The following KIF6 variants were observed in gnomAD, a reference collection of about 807,000 sequenced individuals.
KIF6 encodes kinesin family member 6.
A neutral mutation model predicts 112.7 loss-of-function variants in KIF6; 106 were observed. The ratio of observed to expected loss-of-function variants is 0.94; its 90% CI spans 0.80 to 1.11. The LOEUF is 1.11. Among genes scored for constraint, KIF6 ranks in the 50% least tolerant of loss-of-function variants. KIF6 has a pLI of 0.00. For synonymous variants in KIF6, 339 were observed against 339.9 expected, an observed-to-expected ratio of 1.00 and a Z score of 0.03; for missense variants, 929 against 964.0, an observed-to-expected ratio of 0.96 and a Z score of 0.48.
rs578127161 is a variant in KIF6 at position 39,508,652 on chromosome 6, T to A, written c.1645+31351A>T. Among the ~76,000 whole-genome samples the A allele has an allele frequency of 6.6e-5, 10 of 151,908 alleles. No individual in the cohort carries two copies. In the South Asian group the frequency reaches 1.5e-3, roughly 22 times the overall value. On this transcript the variant is annotated intron_variant, in intron 13 of 22. Transcript: ENST00000287152. ...ATCAACCTGAGACGCTGGAGCTTGG[T>A]GGGGGGAGGGGCTTCCGCCATTGAT...
chr6:39,715,719 T>A (rs1220060437), intron 2 of KIF6, among the ~76,000 whole-genome samples: 2 of 152,110 alleles, frequency 1.3e-5, no homozygotes, highest in African/African-American at 4.8e-5. Flanking sequence ...CTGACCTACC[T>A]CCATTTTAGA....
At chr6:39,524,184 G>A (rs1777574279) in intron 13 of KIF6, among the ~76,000 whole-genome samples, 1 of 152,074 alleles carries the variant, frequency 6.6e-6, no homozygotes, top group Admixed American at 6.6e-5. Flanking sequence ...TAGAAACAGA[G>A]AGAGAGTGAG....
intron 3 of KIF6, among the ~76,000 whole-genome samples, chr6:39,655,271 G>A (rs927846688): frequency 2.0e-5 from 3 of 151,630 alleles, no homozygotes; most frequent in Non-Finnish European, 2.9e-5. Flanking sequence ...TCCTCTTTAG[G>A]GAACTGCCTG....
intron 13 of KIF6, among the ~76,000 whole-genome samples, chr6:39,522,371 C>G (rs1036011574): frequency 6.6e-5 from 10 of 152,166 alleles, no homozygotes; most frequent in Admixed American, 3.3e-4. Context: ...TCCAGTACCC[C>G]CAGCCAACCT....
At position 39,333,218 on chromosome 6, in the gene KIF6, A is replaced by G. The variant is rs1406769167; in HGVS notation, c.*3314T>C. 6.6e-6 allele frequency: 1 copy of G among 152,216 alleles called. No individual in the cohort carries two copies. The highest frequency in any genetic ancestry group is 1.5e-5 in the Non-Finnish European group (1 of 68,042). The allele number at this position is 152,216 out of a possible 1,614,324, so 9.4% of individuals were successfully genotyped here. ...CCACAGGCTGCATGGAGAGACAATG[A>G]ACTCTGCACTGAGAAATCCTAGATC... is the stretch of plus-strand genomic sequence containing the variant. On this transcript the variant is annotated 3_prime_UTR_variant, in exon 23 of 23. Coordinates refer to ENST00000287152, the MANE Select transcript of KIF6 (RefSeq NM_145027.6).
chr6:39,536,432 A>G (rs1408242997), intron 13 of KIF6, among the ~76,000 whole-genome samples: 1 of 148,862 alleles, frequency 6.7e-6, no homozygotes, highest in East Asian at 2.0e-4. Context: ...GAATACTACA[A>G]ACAACTCTAT....
intron 13 of KIF6, among the ~76,000 whole-genome samples, chr6:39,460,292 C>T (rs1333760299): frequency 1.5e-4 from 18 of 117,804 alleles, no homozygotes; most frequent in Non-Finnish European, 2.7e-4. Context: ...CCAAACACCG[C>T]ATATTCTCAC....
intron 3 of KIF6, among the ~76,000 whole-genome samples, chr6:39,654,509 T>C (rs12528530): frequency 0.12 from 18,163 of 152,186 alleles, 1,502 homozygotes; most frequent in Admixed American, 0.24. Context: ...TGCTCCTCCT[T>C]AGAAAATAAA....
rs1491012171 is a variant in KIF6 at position 39,334,797 on chromosome 6, T to TGC, written c.*1733_*1734dup. 6.6e-6 allele frequency: 1 copy of TGC among 152,060 alleles called. No homozygotes were observed. The highest frequency in any genetic ancestry group is 1.5e-5 in the Non-Finnish European group (1 of 68,100). 9.4% of individuals were successfully genotyped at this position (152,060 alleles called of 1,614,324 possible). A position where few individuals can be genotyped will look rare whatever the true frequency, so the allele number is the denominator to read the frequency against. ...GTGTGTGTGTATGTGTGTGTGTGTG[T>TGC]GCAGTTACATGTGTGTTCCATGGAC... On this transcript the variant is annotated 3_prime_UTR_variant, in exon 23 of 23. Transcript: ENST00000287152.
chr6:39,562,365 C>T (rs1780053135), intron 10 of KIF6, among the ~76,000 whole-genome samples: 1 of 152,164 alleles, frequency 6.6e-6, no homozygotes, highest in South Asian at 2.1e-4. Context: ...GACATGAGTC[C>T]TTTTCTTGCC....
chr6:39,550,684 T>C (rs1467373508), intron 10 of KIF6, among the ~76,000 whole-genome samples: 1 of 152,156 alleles, frequency 6.6e-6, no homozygotes, highest in Admixed American at 6.5e-5. Flanking sequence ...GACAGCTCAT[T>C]CCAGAGAGCT....
At chr6:39,435,453 G>A (rs975482627) in intron 13 of KIF6, among the ~76,000 whole-genome samples, 6 of 152,148 alleles carry the variant, frequency 3.9e-5, no homozygotes, top group African/African-American at 1.4e-4. Context: ...CAGCAGTGAA[G>A]TCTAGGATTT....
chr6:39,431,849 G>T (rs1771179075), intron 13 of KIF6, among the ~76,000 whole-genome samples: 1 of 152,112 alleles, frequency 6.6e-6, no homozygotes, highest in Admixed American at 6.5e-5. Context: ...CCAGGACCAG[G>T]CTCTCCTCCT....
At chr6:39,427,959 G>A (rs371907327) in intron 14 of KIF6, among the ~76,000 whole-genome samples, 25 of 152,290 alleles carry the variant, frequency 1.6e-4, no homozygotes, top group African/African-American at 5.8e-4. Flanking sequence ...TAATAAGAAA[G>A]ATGAAGTACT....
At chr6:39,372,688 A>C (rs1342276351) in intron 16 of KIF6, among the ~76,000 whole-genome samples, 1 of 152,182 alleles carries the variant, frequency 6.6e-6, no homozygotes, top group African/African-American at 2.4e-5. Flanking sequence ...TTCATTTTTT[A>C]ATTTTAAATA....
chr6:39,607,699 T>C (rs1782970025), intron 6 of KIF6, among the ~76,000 whole-genome samples: 1 of 152,128 alleles, frequency 6.6e-6, no homozygotes, highest in South Asian at 2.1e-4. Flanking sequence ...CAGCTAGGAT[T>C]AAAGGTGAGA....
chr6:39,718,184 C>G (rs302582), intron 2 of KIF6, among the ~76,000 whole-genome samples: 6,346 of 138,794 alleles, frequency 0.046, 437 homozygotes, highest in African/African-American at 0.16. Flanking sequence ...GAGCCGAGAT[C>G]GCGCCATTGC....
At chr6:39,579,894 C>G (rs1418782621) in intron 9 of KIF6, among the ~76,000 whole-genome samples, 1 of 151,782 alleles carries the variant, frequency 6.6e-6, no homozygotes, top group African/African-American at 2.4e-5. Context: ...CAATACCACA[C>G]TAATTTAACT....
chr6:39,700,907 C>A (rs185299810), intron 3 of KIF6, among the ~76,000 whole-genome samples: 15 of 152,140 alleles, frequency 9.9e-5, no homozygotes, highest in Admixed American at 5.2e-4. Context: ...AGAGACAGGG[C>A]CAAGCTGGTC....
Sources: allele counts gnomAD v4.1 joint callset (sites outside exome capture counted in the v4.1 genomes callset), GRCh38; gene constraint gnomAD v4.1.1; transcripts MANE v1.5; gene names NCBI Gene and HGNC (gene_info 2026-07-23, HGNC 2026-07-21).